Variants in METTL15 observed in about 807,000 individuals in gnomAD.
METTL15 encodes the protein methyltransferase 15, mitochondrial 12S rRNA N4-cytidine, also known as 12S rRNA N(4)-cytidine methyltransferase METTL15.
In METTL15, 34 loss-of-function variants were observed where a neutral mutation model predicts 38.3. The observed-to-expected ratio is 0.89, with a 90% CI of 0.68 to 1.18. METTL15 has a LOEUF of 1.18. Among genes scored for constraint, METTL15 ranks in the 50% most tolerant of loss-of-function variants. The pLI, the probability that METTL15 is intolerant of heterozygous loss-of-function variation, is 0.00. For missense variants in METTL15, 438 were observed against 498.4 expected, an observed-to-expected ratio of 0.88 and a Z score of 1.15; for synonymous variants, 162 against 170.9, an observed-to-expected ratio of 0.95 and a Z score of 0.41.
At position 28,356,196 on chromosome 11, in the gene METTL15, A is replaced by G. The variant is rs117467266; in HGVS notation, c.*258+4038A>G. On this transcript the variant is annotated intron_variant and NMD_transcript_variant, in intron 4 of 7. Coordinates refer to the METTL15 transcript ENST00000532947. ...TATTTGGTATCTCATAACCTTGCTT[A>G]TATCTTTCCTAGCATTGTTTTACAA... is the stretch of plus-strand genomic sequence containing the variant. Among the ~76,000 whole-genome samples the G allele has an allele frequency of 9.0e-3, 1,377 of 152,294 alleles. 15 individuals carry two copies. The highest frequency in any genetic ancestry group is 0.016 in the Non-Finnish European group (1,106 of 68,024).
chr11:28,267,076 C>T (rs771055005), intron 4 of METTL15, among the ~76,000 whole-genome samples: 2 of 149,256 alleles, frequency 1.3e-5, no homozygotes, highest in South Asian at 4.2e-4. Context: ...AGGAAAATCG[C>T]TTGAACCCAG....
chr11:28,182,740 G>T (rs1189233932), intron 3 of METTL15, among the ~76,000 whole-genome samples: 4 of 151,780 alleles, frequency 2.6e-5, no homozygotes, highest in Admixed American at 2.6e-4. Context: ...GCTATGCGGG[G>T]TCTTATTTAG....
chr11:28,131,814 T>C (rs866045776), intron 3 of METTL15, among the ~76,000 whole-genome samples: 16 of 152,352 alleles, frequency 1.1e-4, no homozygotes, highest in Middle Eastern at 6.8e-3. Flanking sequence ...TTACTTCTAA[T>C]GATCCTGATA....
chr11:28,315,756 G>C (rs1243802464), intron 6 of METTL15, among the ~76,000 whole-genome samples: 1 of 152,214 alleles, frequency 6.6e-6, no homozygotes, highest in Non-Finnish European at 1.5e-5. Context: ...TAGGGACTTG[G>C]TACCCTGCGT....
chr11:28,285,692 TG>T (rs1394697700), intron 4 of METTL15, among the ~76,000 whole-genome samples: 1 of 152,324 alleles, frequency 6.6e-6, no homozygotes, highest in South Asian at 2.1e-4. Context: ...TCTATAGTGT[TG>T]GCCAAAATTG....
At position 28,186,958 on chromosome 11, in the gene METTL15, TATAAA is replaced by T. The variant is rs1565151421; in HGVS notation, c.271-24099_271-24095del. On this transcript the variant is annotated intron_variant, in intron 3 of 6. Coordinates refer to ENST00000407364, the MANE Select transcript of METTL15 (RefSeq NM_001113528.2). ...TACCTTCATTTCCTTAATCACATAA[TATAAA>T]ATAACTACAGTGTTAATATACTTAT... Among the ~76,000 whole-genome samples the T allele has an allele frequency of 2.0e-5, 3 of 151,116 alleles. No individual in the cohort carries two copies. The Admixed American group carries it at 2.0e-4, about 10-fold the overall frequency.
At chr11:28,446,552 A>G (rs1394102472) in intron 6 of METTL15, among the ~76,000 whole-genome samples, 2 of 152,050 alleles carry the variant, frequency 1.3e-5, no homozygotes, top group Admixed American at 6.5e-5. Context: ...AAGAAAAAAA[A>G]CCTTACACAT....
intron 6 of METTL15, among the ~76,000 whole-genome samples, chr11:28,465,118 A>G (rs1333050854): frequency 6.6e-6 from 1 of 152,120 alleles, no homozygotes; most frequent in East Asian, 1.9e-4. Flanking sequence ...TCCCCTTGGC[A>G]TTTTCTTATG....
intron 6 of METTL15, among the ~76,000 whole-genome samples, chr11:28,316,097 AC>A (rs1857471692): frequency 6.6e-6 from 1 of 152,184 alleles, no homozygotes; most frequent in African/African-American, 2.4e-5. Context: ...CATCCTCCAG[AC>A]CGCAGAATGG....
intron 5 of METTL15, among the ~76,000 whole-genome samples, chr11:28,293,272 A>G (rs935277326): frequency 6.6e-6 from 1 of 152,194 alleles, no homozygotes; most frequent in Non-Finnish European, 1.5e-5. Context: ...CTTTCTACAT[A>G]TGGCTAGCGA....
chr11:28,149,148 A>G (rs1849989934), intron 3 of METTL15, among the ~76,000 whole-genome samples: 2 of 150,604 alleles, frequency 1.3e-5, no homozygotes, highest in South Asian at 4.2e-4. Flanking sequence ...GGAGCTTGGT[A>G]CTTTATCATC....
intron 3 of METTL15, among the ~76,000 whole-genome samples, chr11:28,162,809 T>C (rs1354108150): frequency 6.6e-6 from 1 of 152,108 alleles, no homozygotes; most frequent in Non-Finnish European, 1.5e-5. Context: ...TTGAATGTGA[T>C]GTGGGAGTGA....
At position 28,407,423 on chromosome 11, in the gene METTL15, G is replaced by A. The variant is rs141094311; in HGVS notation, c.*359-16876G>A. Among the ~76,000 whole-genome samples, 555 of 152,150 alleles carry A rather than the reference G, an allele frequency of 3.6e-3. 3 individuals carry two copies. The highest frequency in any genetic ancestry group is 0.01 in the Middle Eastern group (3 of 294). On this transcript the variant is annotated intron_variant and NMD_transcript_variant, in intron 5 of 7. Coordinates refer to the METTL15 transcript ENST00000532947. ...TTTGCAATTTATCCTTCTGACAAAGGTCTAATATCCAGCATCTGGAAGGAG... is the reference window on the plus strand; with the variant it reads ...TTTGCAATTTATCCTTCTGACAAAGATCTAATATCCAGCATCTGGAAGGAG...
At chr11:28,241,719 G>C (rs1380067998) in intron 4 of METTL15, among the ~76,000 whole-genome samples, 1 of 152,140 alleles carries the variant, frequency 6.6e-6, no homozygotes, top group South Asian at 2.1e-4. Context: ...ATAGCATTCA[G>C]GCAAAGGAAA....
chr11:28,456,705 G>A (rs1035513427), intron 6 of METTL15, among the ~76,000 whole-genome samples: 27 of 152,098 alleles, frequency 1.8e-4, no homozygotes, highest in Non-Finnish European at 3.8e-4. Context: ...TTCCCACAGT[G>A]CTGGGATTAC....
intron 6 of METTL15, among the ~76,000 whole-genome samples, chr11:28,305,028 T>C (rs746952865): frequency 7.2e-5 from 11 of 152,172 alleles, no homozygotes; most frequent in Non-Finnish European, 1.3e-4. Context: ...ATTACACTTA[T>C]TCTTTTGTCA....
intron 6 of METTL15, among the ~76,000 whole-genome samples, chr11:28,505,513 C>G (rs1851621209): frequency 6.6e-6 from 1 of 152,228 alleles, no homozygotes; most frequent in African/African-American, 2.4e-5. Context: ...TAAACCATTT[C>G]CCAATCCTCA....
chr11:28,444,189 A>G (rs1180767275), intron 6 of METTL15, among the ~76,000 whole-genome samples: 2 of 152,136 alleles, frequency 1.3e-5, no homozygotes, highest in African/African-American at 4.8e-5. Context: ...CTCAACCCTT[A>G]TAGTTATAAT....
chr11:28,293,010 G>A (rs1279813772), intron 5 of METTL15, among the ~76,000 whole-genome samples: 1 of 152,100 alleles, frequency 6.6e-6, no homozygotes, highest in Non-Finnish European at 1.5e-5. Context: ...TAGGTTGCCT[G>A]TTCACTCTGA....
Sources: allele counts gnomAD v4.1 joint callset (sites outside exome capture counted in the v4.1 genomes callset), GRCh38; gene constraint gnomAD v4.1.1; transcripts MANE v1.5; gene names NCBI Gene and HGNC (gene_info 2026-07-23, HGNC 2026-07-21).